CADPS2: variants seen among roughly 807,000 people sequenced by gnomAD.
CADPS2 encodes the protein calcium dependent secretion activator 2, also known as calcium-dependent secretion activator 2.
CADPS2 carries 93 observed loss-of-function variants against 172.5 expected under a neutral mutation model. The ratio of observed to expected loss-of-function variants is 0.54; its 90% CI spans 0.46 to 0.64. The LOEUF is 0.64. Ranked by LOEUF, CADPS2 falls within the 30% of genes least tolerant of loss-of-function variation. The pLI is 0.00. For missense variants in CADPS2, 1,420 were observed against 1,565.9 expected (o/e 0.91, Z 1.57); for synonymous variants, 546 against 555.2 (o/e 0.98, Z 0.23).
At chr7:122,417,553 C>A (rs949910803) in intron 17 of CADPS2, among the ~76,000 whole-genome samples, 5 of 152,154 alleles carry the variant, frequency 3.3e-5, no homozygotes, top group African/African-American at 1.2e-4. Flanking sequence ...CATGAATGAT[C>A]AAATGTTTCA....
At chr7:122,645,522 A>G (rs1439139204) in intron 3 of CADPS2, among the ~76,000 whole-genome samples, 2 of 126,680 alleles carry the variant, frequency 1.6e-5, no homozygotes, top group Non-Finnish European at 3.4e-5. Context: ...ACTTATATAT[A>G]TATAAGTATA....
Position 122,621,466 on chromosome 7 carries a change from G to C in CADPS2, c.1104+15C>G. 1 of 1,533,156 alleles carries C rather than the reference G, an allele frequency of 6.5e-7. No individual in the cohort carries two copies. 95.0% of individuals were successfully genotyped at this position (1,533,156 alleles called of 1,614,324 possible). A position where few individuals can be genotyped will look rare whatever the true frequency, so the allele number is the denominator to read the frequency against. Reference sequence around the variant, plus strand: ...TTTATGCTGTCAGAGGTGAGCATGAGATAAAGCTACTTACCTCTAAGGTGA... The same window carrying C: ...TTTATGCTGTCAGAGGTGAGCATGACATAAAGCTACTTACCTCTAAGGTGA... On this transcript the variant is annotated intron_variant, in intron 5 of 29. Transcript: ENST00000449022.
chr7:122,872,690 T>G lies in CADPS2; in HGVS notation c.339+13309A>C, dbSNP rs547422833. On this transcript the variant is annotated intron_variant, in intron 1 of 29. Transcript: ENST00000449022. Reference sequence around the variant, plus strand: ...AGAGAACCAAATTAAGGCTCTCATCTCTTTAAATAAAATTTGGAATGCATT... The same window carrying G: ...AGAGAACCAAATTAAGGCTCTCATCGCTTTAAATAAAATTTGGAATGCATT... Among the ~76,000 whole-genome samples the G allele has an allele frequency of 2.1e-4, 32 of 152,262 alleles. 2 individuals are homozygous for G. In the South Asian group the frequency reaches 6.2e-3, roughly 30 times the overall value.
chr7:122,624,886 TC>T, intron 4 of CADPS2, among the ~76,000 whole-genome samples: 1 of 152,262 alleles, frequency 6.6e-6, no homozygotes, highest in East Asian at 1.9e-4. Context: ...GGAAATAATT[TC>T]TTCTGATAGA....
chr7:122,653,653 T>C (rs891276448), intron 3 of CADPS2, among the ~76,000 whole-genome samples: 4 of 152,222 alleles, frequency 2.6e-5, no homozygotes, highest in Admixed American at 6.5e-5. Context: ...AGCAAGTCTA[T>C]AGGTGCTATT....
At chr7:122,587,783 C>T (rs1443207328) in intron 6 of CADPS2, among the ~76,000 whole-genome samples, 7 of 152,090 alleles carry the variant, frequency 4.6e-5, no homozygotes, top group South Asian at 2.1e-4. Flanking sequence ...TTTGAGGAAT[C>T]GCCACATCAT....
chr7:122,512,186 G>A (rs1380768564), intron 9 of CADPS2, among the ~76,000 whole-genome samples: 1 of 152,046 alleles, frequency 6.6e-6, no homozygotes, highest in Non-Finnish European at 1.5e-5. Context: ...GGCTATCATG[G>A]GACATCAATA....
intron 1 of CADPS2, among the ~76,000 whole-genome samples, chr7:122,767,832 T>C (rs2093599572): frequency 6.6e-6 from 1 of 152,190 alleles, no homozygotes; most frequent in Non-Finnish European, 1.5e-5. Context: ...AAGTGTTTTA[T>C]AGTAGAACGT....
intron 1 of CADPS2, among the ~76,000 whole-genome samples, chr7:122,795,613 A>C (rs1357408082): frequency 6.6e-6 from 1 of 152,194 alleles, no homozygotes; most frequent in Non-Finnish European, 1.5e-5. Flanking sequence ...GACAAAAACC[A>C]CATGAGAATC....
intron 8 of CADPS2, among the ~76,000 whole-genome samples, chr7:122,547,379 C>T (rs2063734374): frequency 6.6e-6 from 1 of 152,086 alleles, no homozygotes; most frequent in Admixed American, 6.6e-5. Context: ...TCTTCTGGGG[C>T]AATAATGTTT....
chr7:122,421,154 T>C (rs2048485847), intron 17 of CADPS2: 1 of 152,222 alleles, frequency 6.6e-6, no homozygotes, highest in South Asian at 2.1e-4. Flanking sequence ...GTATATGATA[T>C]GTAGTAATTT....
At chr7:122,880,412 A>G in intron 1 of CADPS2, among the ~76,000 whole-genome samples, 1 of 152,208 alleles carries the variant, frequency 6.6e-6, no homozygotes, top group East Asian at 1.9e-4. Context: ...TCGACTGCAC[A>G]AACTCTAGAA....
intron 5 of CADPS2, 108 bp downstream of exon 5, chr7:122,621,373 C>A (rs1211852721): frequency 2.7e-6 from 2 of 734,846 alleles, no homozygotes; most frequent in Non-Finnish European, 4.6e-6. Context: ...ACATCTCCAA[C>A]ATATATTACA....
chr7:122,436,262 T>C, intron 17 of CADPS2: 2 of 605,870 alleles, frequency 3.3e-6, no homozygotes, highest in South Asian at 1.8e-5. Context: ...ATTAAATATG[T>C]ACAGCTTGCC....
intron 15 of CADPS2, among the ~76,000 whole-genome samples, chr7:122,449,550 G>A (rs1487088003): frequency 2.0e-5 from 3 of 151,992 alleles, no homozygotes; most frequent in African/African-American, 7.3e-5. Context: ...TTGAACTCCT[G>A]GGCTCAAGCA....
At chr7:122,772,340 T>A (rs2093730573) in intron 1 of CADPS2, among the ~76,000 whole-genome samples, 3 of 152,220 alleles carry the variant, frequency 2.0e-5, no homozygotes, top group African/African-American at 7.2e-5. Flanking sequence ...CCAAACATTT[T>A]GAAACCATAA....
At position 122,443,978 on chromosome 7, in the gene CADPS2, G is replaced by A. The variant is rs187968300; in HGVS notation, c.2289-2403C>T. 4.6e-3 allele frequency among the ~76,000 whole-genome samples: 700 copies of A among 152,168 alleles called. 6 individuals are homozygous for A. Among genetic ancestry groups the A allele is most frequent in the African/African-American group, 0.013 (529 of 41,536 alleles). ...AATCAAGTTAACTCATGGCCTGCAAGTCTTCCCCCCAGATCACAGGCAACT... is the reference window on the plus strand; with the variant it reads ...AATCAAGTTAACTCATGGCCTGCAAATCTTCCCCCCAGATCACAGGCAACT... On this transcript the variant is annotated intron_variant, in intron 15 of 29. Transcript: ENST00000449022.
At chr7:122,517,494 G>A (rs1200898816) in intron 8 of CADPS2, among the ~76,000 whole-genome samples, 1 of 151,864 alleles carries the variant, frequency 6.6e-6, no homozygotes, top group Non-Finnish European at 1.5e-5. Flanking sequence ...TTCCAAACTG[G>A]CTATACCATT....
intron 20 of CADPS2, among the ~76,000 whole-genome samples, chr7:122,400,640 A>G (rs1214015547): frequency 1.3e-5 from 2 of 152,228 alleles, no homozygotes; most frequent in Non-Finnish European, 2.9e-5. Context: ...AGTTAAATAC[A>G]TTCTCACATT....
Sources: allele counts gnomAD v4.1 joint callset (sites outside exome capture counted in the v4.1 genomes callset), GRCh38; gene constraint gnomAD v4.1.1; transcripts MANE v1.5; gene names NCBI Gene and HGNC (gene_info 2026-07-23, HGNC 2026-07-21).